The following KCNMA1 variants were observed in gnomAD, a reference collection of about 807,000 sequenced individuals.
KCNMA1 encodes Calcium-activated potassium channel subunit alpha-1.
Under a neutral mutation model 140.0 loss-of-function variants are expected in KCNMA1, and 29 were observed. The observed-to-expected ratio is 0.21, with a 90% CI of 0.15 to 0.28. KCNMA1 has a LOEUF of 0.28. Among genes scored for constraint, KCNMA1 ranks in the 10% least tolerant of loss-of-function variants. The pLI is 1.00. For synonymous variants in KCNMA1, 612 were observed against 611.9 expected, an observed-to-expected ratio of 1.00 and a Z score of 0.00; for missense variants, 880 against 1,602.2, an observed-to-expected ratio of 0.55 and a Z score of 7.70.
At chr10:76,876,224 T>C (rs1351165304), downstream of KCNMA1, 2 of 152,788 alleles carry the variant, frequency 1.3e-5, no homozygotes, top group East Asian at 3.9e-4. Flanking sequence ...GGACTAGATA[T>C]CATGAAACTT....
intron 6 of KCNMA1, among the ~76,000 whole-genome samples, chr10:77,114,753 T>C (rs950836733): frequency 6.6e-6 from 1 of 152,210 alleles, no homozygotes; most frequent in Non-Finnish European, 1.5e-5. Context: ...TGACTTAAGA[T>C]GTCTTTTGTA....
intron 9 of KCNMA1, among the ~76,000 whole-genome samples, chr10:77,097,219 C>A (rs559357596): frequency 6.6e-6 from 1 of 152,124 alleles, no homozygotes; most frequent in Non-Finnish European, 1.5e-5. Context: ...TGTTTCCCAG[C>A]GCTTCCCTTG....
In KCNMA1 at chr10:77,108,610, A is replaced by G; in HGVS notation, c.1132-38T>C. ...GAGACAGAAGAGAGACTAAAAAGAC[A>G]GGCCAAAGAAAAGGGGGGACCTGTT... On this transcript the variant is annotated intron_variant, in intron 8 of 27. Coordinates refer to ENST00000286628, the MANE Select transcript of KCNMA1 (RefSeq NM_001161352.2). This position sits in a 1 kb window ranked among gnomAD's most constrained non-coding sequence, Gnocchi z 4.6. 6.6e-7 allele frequency: 1 copy of G among 1,519,870 alleles called. No homozygotes were observed. The highest frequency in any genetic ancestry group is 9.1e-7 in the Non-Finnish European group (1 of 1,097,002). The allele number at this position is 1,519,870 out of a possible 1,614,324, so 94.1% of individuals were successfully genotyped here.
intron 14 of KCNMA1, among the ~76,000 whole-genome samples, chr10:77,041,151 C>CTTTTTTTTT (rs1162318311): frequency 6.3e-4 from 1 of 1,584 alleles, no homozygotes; most frequent in East Asian, 5.0e-3. Flanking sequence ...CTGGCTAATT[C>CTTTTTTTTT]TTTTTTTTTT....
intron 5 of KCNMA1, among the ~76,000 whole-genome samples, chr10:77,156,348 T>C (rs1244628693): frequency 4.6e-5 from 7 of 152,124 alleles, no homozygotes; most frequent in Non-Finnish European, 8.8e-5. Context: ...AGTTACAAAG[T>C]TTAGCGATTG....
intron 1 of KCNMA1, among the ~76,000 whole-genome samples, chr10:77,525,011 A>G (rs1294942979): frequency 6.6e-6 from 1 of 152,202 alleles, no homozygotes; most frequent in Non-Finnish European, 1.5e-5. Context: ...CCAACCATCA[A>G]GATCACAGTC....
chr10:76,967,669 C>T (rs76075358), intron 20 of KCNMA1, among the ~76,000 whole-genome samples: 2,434 of 152,222 alleles, frequency 0.016, 67 homozygotes, highest in African/African-American at 0.056. Flanking sequence ...TGGGATGGCC[C>T]ATTCCAGCTG....
chr10:76,953,734 C>A, intron 21 of KCNMA1, 67 bp downstream of exon 21: 1 of 1,606,080 alleles, frequency 6.2e-7, no homozygotes, highest in Non-Finnish European at 8.5e-7. Flanking sequence ...ACTAGGGAAA[C>A]CCCATTCCTA....
intron 20 of KCNMA1, among the ~76,000 whole-genome samples, chr10:76,954,700 T>A (rs554289014): frequency 6.6e-6 from 1 of 152,180 alleles, no homozygotes; most frequent in African/African-American, 2.4e-5. Flanking sequence ...CTGCTGCATA[T>A]CTTAGATGAG....
At chr10:77,517,007 AAAAC>A (rs551273617) in intron 1 of KCNMA1, among the ~76,000 whole-genome samples, 14,840 of 150,628 alleles carry the variant, frequency 0.099, 915 homozygotes, top group Middle Eastern at 0.16. Context: ...AAAAAAAAAA[AAAAC>A]AAAAGGTGAG....
chr10:76,878,734 G>A (rs915483823), intron 29 of KCNMA1, among the ~76,000 whole-genome samples: 4 of 152,074 alleles, frequency 2.6e-5, no homozygotes, highest in African/African-American at 9.7e-5. Context: ...GGCGTTTGGG[G>A]GCTGGGGTGA....
chr10:76,891,489 C>G, intron 26 of KCNMA1, 36 bp downstream of exon 26: 2 of 1,570,914 alleles, frequency 1.3e-6, no homozygotes, highest in Non-Finnish European at 1.7e-6. Context: ...TTTTCCCAAA[C>G]AGCAAGCTCA....
rs752187249 is a variant in KCNMA1 at position 77,027,912 on chromosome 10, C to T, written c.1860-21G>A. The T allele has an allele frequency of 1.5e-5, 24 of 1,607,294 alleles. No individual in the cohort carries two copies. In the South Asian group the frequency reaches 2.3e-4, roughly 15 times the overall value. ...ACAGCCTGCAATGAGATGGAGAAGC[C>T]TCCCAATCAGTTCTTCTGAATGACC... On this transcript the variant is annotated intron_variant, in intron 15 of 27. Transcript: ENST00000286628.
At chr10:77,040,433 A>C (rs2094602651) in intron 14 of KCNMA1, among the ~76,000 whole-genome samples, 1 of 152,232 alleles carries the variant, frequency 6.6e-6, no homozygotes, top group Non-Finnish European at 1.5e-5. Context: ...TGGCACACAT[A>C]CAATGGAATA....
intron 2 of KCNMA1, among the ~76,000 whole-genome samples, chr10:77,308,347 C>T (rs1003254663): frequency 1.3e-5 from 2 of 152,200 alleles, no homozygotes; most frequent in Non-Finnish European, 2.9e-5. Context: ...AAGCTGAGTG[C>T]CATGCTGAGC....
At chr10:77,042,348 CTA>C (rs2094772418) in intron 14 of KCNMA1, among the ~76,000 whole-genome samples, 1 of 152,078 alleles carries the variant, frequency 6.6e-6, no homozygotes, top group Non-Finnish European at 1.5e-5. Context: ...CTAACTCTAA[CTA>C]ATTTGAAGAA....
At chr10:77,084,169 C>T (rs1040113119) in intron 12 of KCNMA1, among the ~76,000 whole-genome samples, 6 of 152,198 alleles carry the variant, frequency 3.9e-5, no homozygotes, top group Non-Finnish European at 8.8e-5. Context: ...CAGGGTCGTT[C>T]GCAGTGTCCC....
At chr10:77,243,487 C>A (rs1393695502) in intron 3 of KCNMA1, among the ~76,000 whole-genome samples, 2 of 152,166 alleles carry the variant, frequency 1.3e-5, no homozygotes, top group Non-Finnish European at 2.9e-5. Flanking sequence ...TGCCCTGAAA[C>A]AATTATTCTT....
rs2037208090 is a variant in KCNMA1, at chr10:76,886,824, AAAAAG to A, written c.*437_*441del. On this transcript the variant is annotated 3_prime_UTR_variant, in exon 28 of 28. Transcript: ENST00000286628. ...ATGTGCTAACTTATTGTGTGTATAA[AAAAAG>A]AAAGAAAGGAAAACAACAACAACAA... The A allele has an allele frequency of 9.3e-7, 1 of 1,081,054 alleles. No homozygotes were observed. Among genetic ancestry groups the A allele is most frequent in the South Asian group, 2.8e-5 (1 of 36,032 alleles). The allele number at this position is 1,081,054 out of a possible 1,614,324, so 67.0% of individuals were successfully genotyped here.
Sources: allele counts gnomAD v4.1 joint callset (sites outside exome capture counted in the v4.1 genomes callset), GRCh38; gene constraint gnomAD v4.1.1; non-coding constraint Gnocchi (gnomAD v3.1); transcripts MANE v1.5; gene names NCBI Gene and HGNC (gene_info 2026-07-23, HGNC 2026-07-21).